The following CMSS1 variants were observed in gnomAD, a reference collection of about 807,000 sequenced individuals.
CMSS1 encodes protein CMSS1.
Under a neutral mutation model 43.5 loss-of-function variants are expected in CMSS1, and 33 were observed. The ratio of observed to expected loss-of-function variants is 0.76; its 90% CI spans 0.57 to 1.01. The LOEUF is 1.01. Among genes scored for constraint, CMSS1 ranks in the 50% least tolerant of loss-of-function variants. CMSS1 has a pLI of 0.00. For synonymous variants in CMSS1, 115 were observed against 117.2 expected, an observed-to-expected ratio of 0.98 and a Z score of 0.12; for missense variants, 313 against 326.4, an observed-to-expected ratio of 0.96 and a Z score of 0.32.
intron 1 of CMSS1, among the ~76,000 whole-genome samples, chr3:100,003,523 A>G (rs1047855482): frequency 2.0e-5 from 3 of 152,172 alleles, no homozygotes; most frequent in Admixed American, 6.6e-5. Flanking sequence ...TGAAGTATCC[A>G]TTTTGTAGAT....
rs370677657 is a variant in CMSS1 at position 100,126,425 on chromosome 3, G to T, written c.65-20548G>T. Among the ~76,000 whole-genome samples, 4 of 152,228 alleles carry T rather than the reference G, an allele frequency of 2.6e-5. No homozygotes were observed. In the East Asian group the frequency reaches 5.8e-4, roughly 22 times the overall value. ...TGATTGTTTTGTCATTGTCATTTTA[G>T]CTTATGCATACTATGAATAGTGACC... On this transcript the variant is annotated intron_variant, in intron 1 of 9. Transcript: ENST00000421999.
At chr3:99,891,654 C>T (rs1361365442) in intron 1 of CMSS1, among the ~76,000 whole-genome samples, 9 of 152,028 alleles carry the variant, frequency 5.9e-5, no homozygotes, top group Non-Finnish European at 5.9e-5. Context: ...GACATTAGAA[C>T]AATAATAATC....
At chr3:99,830,482 A>G (rs1322810554) in intron 1 of CMSS1, 1 of 456,696 alleles carries the variant, frequency 2.2e-6, no homozygotes, top group Non-Finnish European at 4.4e-6. Flanking sequence ...AGCTTCCCAC[A>G]GCCATTTTGG....
At chr3:99,850,726 T>C (rs1258964152) in intron 1 of CMSS1, 1 of 1,614,236 alleles carries the variant, frequency 6.2e-7, no homozygotes. Context: ...ATTTTGACTG[T>C]CCTCATTGGT....
chr3:100,171,745 A>C (rs1183104262), intron 6 of CMSS1, 94 bp from the exon 7 acceptor site: 8 of 981,240 alleles, frequency 8.2e-6, no homozygotes, highest in Non-Finnish European at 1.3e-5. Flanking sequence ...GTATGCACAC[A>C]TCCTTTGAAT....
At chr3:100,030,696 T>C (rs1035033278) in intron 1 of CMSS1, among the ~76,000 whole-genome samples, 2 of 152,186 alleles carry the variant, frequency 1.3e-5, no homozygotes, top group African/African-American at 4.8e-5. Context: ...ATCCAATAAC[T>C]GCTGCTTTTC....
At chr3:99,843,528 G>T (rs1471883993) in intron 1 of CMSS1, among the ~76,000 whole-genome samples, 1 of 152,176 alleles carries the variant, frequency 6.6e-6, no homozygotes, top group Non-Finnish European at 1.5e-5. Context: ...CAATACAGAT[G>T]CTTTTTGACT....
intron 1 of CMSS1, among the ~76,000 whole-genome samples, chr3:100,092,880 A>T (rs753189486): frequency 6.6e-6 from 1 of 151,790 alleles, no homozygotes; most frequent in Non-Finnish European, 1.5e-5. Flanking sequence ...TCCAGGAGTT[A>T]ACAGCGGGGA....
chr3:99,821,428 C>T (rs1434996331), intron 1 of CMSS1, among the ~76,000 whole-genome samples: 2 of 152,124 alleles, frequency 1.3e-5, no homozygotes, highest in Non-Finnish European at 2.9e-5. Context: ...GAGTCATGGC[C>T]CAACATAAGA....
chr3:100,121,314 T>C (rs1296198773), intron 1 of CMSS1, among the ~76,000 whole-genome samples: 1 of 146,272 alleles, frequency 6.8e-6, no homozygotes, highest in Non-Finnish European at 1.5e-5. Flanking sequence ...ATTGTTCAGC[T>C]CCCACTTATG....
chr3:99,898,396 T>G (rs1397162493), intron 1 of CMSS1: 1 of 152,172 alleles, frequency 6.6e-6, no homozygotes, highest in African/African-American at 2.4e-5. Flanking sequence ...CCTGGAAAGA[T>G]CAGCTAAATA....
At chr3:100,057,899 T>A (rs929290571) in intron 1 of CMSS1, among the ~76,000 whole-genome samples, 2 of 152,166 alleles carry the variant, frequency 1.3e-5, no homozygotes, top group African/African-American at 4.8e-5. Flanking sequence ...TCCTCAAAGA[T>A]CCTGATGACC....
chr3:99,941,345 A>G (rs1247184145), intron 1 of CMSS1, among the ~76,000 whole-genome samples: 4 of 152,382 alleles, frequency 2.6e-5, no homozygotes, highest in East Asian at 1.9e-4. Context: ...AATAATGTTC[A>G]ATGCACAAAG....
At chr3:100,151,414 G>A (rs1373163252) in intron 2 of CMSS1, among the ~76,000 whole-genome samples, 1 of 152,176 alleles carries the variant, frequency 6.6e-6, no homozygotes, top group African/African-American at 2.4e-5. Context: ...TGGAGGCTTA[G>A]CTGGGGAGAG....
intron 8 of CMSS1, among the ~76,000 whole-genome samples, chr3:100,173,089 A>G (rs962773643): frequency 1.3e-5 from 2 of 152,172 alleles, no homozygotes; most frequent in Non-Finnish European, 2.9e-5. Context: ...ATTATTTTAT[A>G]TATCTAAAAG....
At chr3:99,924,683 T>C (rs762098066) in intron 1 of CMSS1, among the ~76,000 whole-genome samples, 3 of 152,032 alleles carry the variant, frequency 2.0e-5, no homozygotes, top group East Asian at 1.9e-4. Flanking sequence ...CATGCCCAAC[T>C]AATTTTTTTT....
chr3:99,976,293 G>A (rs749050929), intron 1 of CMSS1, among the ~76,000 whole-genome samples: 157 of 152,090 alleles, frequency 1.0e-3, no homozygotes, highest in Non-Finnish European at 1.5e-3. Flanking sequence ...CATATGCTAC[G>A]CGTTCCTGCT....
intron 1 of CMSS1, among the ~76,000 whole-genome samples, chr3:99,894,239 TCTTTCAGTG>T (rs1381522515): frequency 6.6e-6 from 1 of 152,144 alleles, no homozygotes; most frequent in African/African-American, 2.4e-5. Context: ...AATAAAATAC[TCTTTCAGTG>T]CTAAGGGAGA....
intron 2 of CMSS1, among the ~76,000 whole-genome samples, chr3:100,150,757 T>C (rs1445308675): frequency 6.6e-6 from 1 of 152,210 alleles, no homozygotes; most frequent in Non-Finnish European, 1.5e-5. Flanking sequence ...CCAAAATAAA[T>C]GATGAATTCC....
Sources: gnomAD v4.1 joint callset for allele counts (sites outside exome capture counted in the v4.1 genomes callset) on GRCh38, gnomAD v4.1.1 for gene constraint, MANE v1.5 for transcripts, NCBI Gene and HGNC (gene_info 2026-07-23, HGNC 2026-07-21) for gene names.